Variants in SNRPD2 observed in about 807,000 individuals in gnomAD.
The protein encoded by SNRPD2 is small nuclear ribonucleoprotein D2 polypeptide.
SNRPD2 carries 1 observed loss-of-function variant against 11.5 expected under a neutral mutation model. That is an observed-to-expected ratio of 0.09 (90% CI 0.03 to 0.41). SNRPD2 has a LOEUF of 0.41. Among genes scored for constraint, SNRPD2 ranks in the 10% least tolerant of loss-of-function variants. SNRPD2 has a pLI of 0.98. For missense variants in SNRPD2, 77 were observed against 154.9 expected, an observed-to-expected ratio of 0.50 and a Z score of 2.67; for synonymous variants, 63 against 61.5, an observed-to-expected ratio of 1.02 and a Z score of -0.12.
Position 45,688,169 on chromosome 19 carries a change from G to A in SNRPD2, c.182+218C>T, listed in dbSNP as rs759906556. Among the ~76,000 whole-genome samples, 10 of 152,126 alleles carry A rather than the reference G, an allele frequency of 6.6e-5. No individual in the cohort carries two copies. The highest frequency in any genetic ancestry group is 1.2e-4 in the Non-Finnish European group (8 of 68,020). ...GCCTGGCTTTTATATTTTTAGTAGA[G>A]ATGGGGTTTCGCCATTTTAGCTAAG... On this transcript the variant is annotated intron_variant, in intron 2 of 2. Coordinates refer to ENST00000342669, the MANE Select transcript of SNRPD2 (RefSeq NM_001384647.1). This position sits in a 1 kb window ranked among gnomAD's most constrained non-coding sequence, Gnocchi z 4.1.
chr19:45,690,304 C>CCTGGGCGACAGCGAGACTCCGT (rs1160737643), intron 1 of SNRPD2, among the ~76,000 whole-genome samples: 10 of 137,498 alleles, frequency 7.3e-5, no homozygotes, highest in Non-Finnish European at 1.1e-4. Context: ...TGCACGCCAG[C>CCTGGGCGACAGCGAGACTCCGT]CTGGGCGACA....
upstream of SNRPD2, chr19:45,692,010 G>T: frequency 6.2e-7 from 1 of 1,608,174 alleles, no homozygotes; most frequent in Non-Finnish European, 8.5e-7. Context: ...AAGCCAACCA[G>T]TAAGTGGAGG....
At chr19:45,690,260 G>C (rs1967503007) in intron 1 of SNRPD2, among the ~76,000 whole-genome samples, 1 of 148,204 alleles carries the variant, frequency 6.7e-6, no homozygotes, top group South Asian at 2.2e-4. Context: ...GAACCCCAGG[G>C]GGCGGAGGCT....
At chr19:45,691,800 C>CG (rs1441289635) in intron 1 of SNRPD2, 87 bp downstream of exon 1, 12 of 1,531,868 alleles carry the variant, frequency 7.8e-6, no homozygotes, top group South Asian at 4.5e-5. Context: ...CCTGCCCCCC[C>CG]CGCTCTGCTC....
upstream of SNRPD2, chr19:45,691,986 T>A (rs191434907): frequency 4.5e-3 from 7,253 of 1,612,218 alleles, 27 homozygotes; most frequent in Non-Finnish European, 5.5e-3. Context: ...CCCACTTCCG[T>A]TGGCGCCTGC....
At chr19:45,691,752 G>C in intron 1 of SNRPD2, 135 bp downstream of exon 1, 2 of 1,124,420 alleles carry the variant, frequency 1.8e-6, no homozygotes, top group South Asian at 2.5e-5. Context: ...AAACTCATCA[G>C]GAGAAAAGCA....
At chr19:45,689,905 C>T (rs764908050) in intron 1 of SNRPD2, among the ~76,000 whole-genome samples, 12 of 151,928 alleles carry the variant, frequency 7.9e-5, no homozygotes, top group South Asian at 2.1e-4. Context: ...GGTGTGGTGG[C>T]GCATCCCTCT....
At chr19:45,692,039 C>G, upstream of SNRPD2, 1 of 1,586,338 alleles carries the variant, frequency 6.3e-7, no homozygotes, top group Non-Finnish European at 8.6e-7. Context: ...GTTGCCACAG[C>G]ATTCCCCACC....
At position 45,687,480 on chromosome 19, in the gene SNRPD2, T is replaced by C; in HGVS notation, c.*73A>G. 2 of 1,406,648 alleles carry C rather than the reference T, an allele frequency of 1.4e-6. No individual in the cohort carries two copies. The highest frequency in any genetic ancestry group is 2.0e-6 in the Non-Finnish European group (2 of 1,004,978). The allele number at this position is 1,406,648 out of a possible 1,614,324, so 87.1% of individuals were successfully genotyped here. A position where few individuals can be genotyped will look rare whatever the true frequency, so the allele number is the denominator to read the frequency against. On this transcript the variant is annotated 3_prime_UTR_variant, in exon 3 of 3. Transcript: ENST00000342669. The surrounding 1 kb of genome is among the most constrained non-coding windows in gnomAD (Gnocchi z 4.1). The stretch of plus-strand genomic sequence containing the variant: ...ACCACTAGAAAAAAACACAGAGCTT[T>C]ATTATTCTCAACACCAATGGCAGCG...
intron 1 of SNRPD2, among the ~76,000 whole-genome samples, chr19:45,691,233 C>T (rs1310818449): frequency 6.6e-6 from 1 of 152,120 alleles, no homozygotes; most frequent in Non-Finnish European, 1.5e-5. Flanking sequence ...CGGGTTCAAG[C>T]GATCCTCCGG....
chr19:45,689,897 TGTG>T (rs1214739220), intron 1 of SNRPD2, among the ~76,000 whole-genome samples: 5 of 151,114 alleles, frequency 3.3e-5, no homozygotes, highest in Admixed American at 3.3e-4. Context: ...ATTAACCAGG[TGTG>T]GTGGCGCATC....
At chr19:45,689,710 C>A (rs2146116102) in intron 1 of SNRPD2, among the ~76,000 whole-genome samples, 1 of 151,230 alleles carries the variant, frequency 6.6e-6, no homozygotes, top group South Asian at 2.1e-4. Flanking sequence ...AGACTCTTGT[C>A]TCAAAAAATA....
At chr19:45,691,955 C>G (rs1220504467), upstream of SNRPD2, 12 of 1,613,554 alleles carry the variant, frequency 7.4e-6, no homozygotes, top group African/African-American at 2.7e-5. Flanking sequence ...GAGAGAGAGG[C>G]GGGACTTCCT....
rs575278314 is a variant in SNRPD2, at chr19:45,691,811, A to G, written c.2+76T>C. On this transcript the variant is annotated intron_variant, in intron 1 of 2. Coordinates refer to ENST00000342669, the MANE Select transcript of SNRPD2 (RefSeq NM_001384647.1). Reference sequence around the variant, plus strand: ...TGCCCCTGCCCCCCCCGCTCTGCTCAACCCTTCCCACACTCAATCGGTCAA... The same window carrying G: ...TGCCCCTGCCCCCCCCGCTCTGCTCGACCCTTCCCACACTCAATCGGTCAA... 27 of 1,548,982 alleles carry G rather than the reference A, an allele frequency of 1.7e-5. No homozygotes were observed. The African/African-American group carries it at 2.6e-4, about 15-fold the overall frequency.
At position 45,689,493 on chromosome 19, in the gene SNRPD2, C is replaced by A. The variant is rs1052737941; in HGVS notation, c.3-927G>T. ...GACCAGCCTGGCCAACATGGTGAAA[C>A]CCCATTTCTACTAAAAATACAAAAC... On this transcript the variant is annotated intron_variant, in intron 1 of 2. Coordinates refer to ENST00000342669, the MANE Select transcript of SNRPD2 (RefSeq NM_001384647.1). 9.8e-5 allele frequency: 24 copies of A among 244,242 alleles called. No homozygotes were observed. The Admixed American group carries it at 1.2e-3, about 12-fold the overall frequency. 15.1% of individuals were successfully genotyped at this position (244,242 alleles called of 1,614,324 possible).
chr19:45,688,311 CTT>C lies in SNRPD2; in HGVS notation c.182+74_182+75del. On this transcript the variant is annotated intron_variant, in intron 2 of 2. Transcript: ENST00000342669. The surrounding 1 kb of genome is among the most constrained non-coding windows in gnomAD (Gnocchi z 4.1). Reference sequence around the variant, plus strand: ...CACCCCAGGCTTCTGAGACAGCTGTCTTTGAGCTCTTCAGACTGGAGCTGGAG... The same window carrying C: ...CACCCCAGGCTTCTGAGACAGCTGTCTGAGCTCTTCAGACTGGAGCTGGAG... 1.5e-6 allele frequency: 2 copies of C among 1,320,164 alleles called. No individual in the cohort carries two copies. The highest frequency in any genetic ancestry group is 2.1e-6 in the Non-Finnish European group (2 of 932,098). 81.8% of individuals were successfully genotyped at this position (1,320,164 alleles called of 1,614,324 possible).
In SNRPD2 at chr19:45,691,922, C is replaced by T; in HGVS notation, c.-34G>A. On this transcript the variant is annotated 5_prime_UTR_variant, in exon 1 of 3. Coordinates refer to ENST00000342669, the MANE Select transcript of SNRPD2 (RefSeq NM_001384647.1). ...CTACGCTCTCCGTTCACTCCCGTTT[C>T]CTCCGCGTTGCTGCTGCCTGAGGAG... 2 of 1,614,152 alleles carry T rather than the reference C, an allele frequency of 1.2e-6. No homozygotes were observed. Among genetic ancestry groups the T allele is most frequent in the Non-Finnish European group, 1.7e-6 (2 of 1,179,984 alleles).
At chr19:45,689,616 TAGA>T (rs151233158) in intron 1 of SNRPD2, among the ~76,000 whole-genome samples, 3,239 of 152,134 alleles carry the variant, frequency 0.021, 133 homozygotes, top group African/African-American at 0.074. Flanking sequence ...GAGGTTAAAG[TAGA>T]AGAATTGCTT....
rs1967468163 is a variant in SNRPD2, at chr19:45,688,670, C to G, written c.3-104G>C. 1.2e-6 allele frequency: 1 copy of G among 800,100 alleles called. No homozygotes were observed. The highest frequency in any genetic ancestry group is 1.5e-5 in the South Asian group (1 of 64,814). The allele number at this position is 800,100 out of a possible 1,614,324, so 49.6% of individuals were successfully genotyped here. ...GCCTTGGCTTCAGTGTCTCCCCAACCTTGTCCCACCACATCTGTCCTCCTG... is the reference window on the plus strand; with the variant it reads ...GCCTTGGCTTCAGTGTCTCCCCAACGTTGTCCCACCACATCTGTCCTCCTG... On this transcript the variant is annotated intron_variant, in intron 1 of 2. Transcript: ENST00000342669. This position sits in a 1 kb window ranked among gnomAD's most constrained non-coding sequence, Gnocchi z 4.1.
Sources: allele counts gnomAD v4.1 joint callset (sites outside exome capture counted in the v4.1 genomes callset), GRCh38; gene constraint gnomAD v4.1.1; non-coding constraint Gnocchi (gnomAD v3.1); transcripts MANE v1.5; gene names NCBI Gene and HGNC (gene_info 2026-07-23, HGNC 2026-07-21).